Variants in PRKAG2 observed in about 807,000 individuals in gnomAD.
PRKAG2 encodes protein kinase AMP-activated non-catalytic subunit gamma 2.
A neutral mutation model predicts 69.6 loss-of-function variants in PRKAG2; 26 were observed. The ratio of observed to expected loss-of-function variants is 0.37; its 90% confidence interval spans 0.27 to 0.52. The LOEUF is 0.52. Among genes scored for constraint, PRKAG2 ranks in the 20% least tolerant of loss-of-function variants. The pLI is 0.90. For synonymous variants in PRKAG2, 293 were observed against 285.0 expected, an observed-to-expected ratio of 1.03 and a Z score of -0.28; for missense variants, 557 against 740.0, an observed-to-expected ratio of 0.75 and a Z score of 2.87.
chr7:151,632,456 G>T lies in PRKAG2; in HGVS notation c.685-318C>A, dbSNP rs1298498410. ...GGAAGGGACCCGGGAGCTCGAGGGC[G>T]GCAGCGCCTGGGCCCGGGGCGCCCC... On this transcript the variant is annotated intron_variant, in intron 4 of 15. Coordinates refer to ENST00000287878, the MANE Select transcript of PRKAG2 (RefSeq NM_016203.4). This position sits in a 1 kb window ranked among gnomAD's most constrained non-coding sequence, Gnocchi z 4.2. 8 of 658,210 alleles carry T rather than the reference G, an allele frequency of 1.2e-5. No individual in the cohort carries two copies. In the East Asian group the frequency reaches 4.1e-4, roughly 33 times the overall value. 40.8% of individuals were successfully genotyped at this position (658,210 alleles called of 1,614,324 possible). A position where few individuals can be genotyped will look rare whatever the true frequency, so the allele number is the denominator to read the frequency against.
At chr7:151,750,507 C>T (rs941062943) in intron 3 of PRKAG2, among the ~76,000 whole-genome samples, 1 of 152,102 alleles carries the variant, frequency 6.6e-6, no homozygotes, top group Admixed American at 6.5e-5. Context: ...TGCAGAAGCC[C>T]GCAGGTCATG....
intron 7 of PRKAG2, among the ~76,000 whole-genome samples, chr7:151,575,906 A>AAG (rs1808799530): frequency 2.0e-5 from 3 of 151,308 alleles, no homozygotes; most frequent in Admixed American, 2.0e-4. Context: ...CAAAAAAAAA[A>AAG]AAAAAAAGAA....
At chr7:151,651,982 G>A (rs1265249987) in intron 4 of PRKAG2, among the ~76,000 whole-genome samples, 1 of 152,140 alleles carries the variant, frequency 6.6e-6, no homozygotes, top group Non-Finnish European at 1.5e-5. Flanking sequence ...CTGATGTATC[G>A]CACAGCACTG....
At position 151,773,172 on chromosome 7, in the gene PRKAG2, A is replaced by AG. The variant is rs1291146818; in HGVS notation, c.466+7979dup. On this transcript the variant is annotated intron_variant, in intron 3 of 15. Coordinates refer to ENST00000287878, the MANE Select transcript of PRKAG2 (RefSeq NM_016203.4). ...AGGAAGGAAGGAAGGGAAGCAAGGA[A>AG]GGAAGGAAGGAAGGAAAGAAAGAAG... Among the ~76,000 whole-genome samples the AG allele has an allele frequency of 8.1e-5, 12 of 148,612 alleles. No homozygotes were observed. In the East Asian group the frequency reaches 2.2e-3, roughly 27 times the overall value.
At chr7:151,605,664 G>A (rs900322014) in intron 5 of PRKAG2, among the ~76,000 whole-genome samples, 5 of 152,182 alleles carry the variant, frequency 3.3e-5, no homozygotes, top group African/African-American at 1.2e-4. Context: ...TTCAGGCCAG[G>A]TGCAGTGGCT....
At chr7:151,840,983 G>A (rs149799266) in intron 1 of PRKAG2, among the ~76,000 whole-genome samples, 1 of 152,262 alleles carries the variant, frequency 6.6e-6, no homozygotes, top group Non-Finnish European at 1.5e-5. Context: ...CTGATTGATT[G>A]GTTAATTGAT....
chr7:151,846,155 T>C (rs957381158), intron 1 of PRKAG2, among the ~76,000 whole-genome samples: 1 of 152,244 alleles, frequency 6.6e-6, no homozygotes, highest in Non-Finnish European at 1.5e-5. Context: ...TTTCCATTTC[T>C]TCTAGTCTTA....
rs936067715 is a variant in PRKAG2 at position 151,777,432 on chromosome 7, G to A, written c.466+3720C>T. On this transcript the variant is annotated intron_variant, in intron 3 of 15. Transcript: ENST00000287878. This position sits in a 1 kb window ranked among gnomAD's most constrained non-coding sequence, Gnocchi z 4.3. ...CCCGTGGGAGGTGTTTGGGTCCTGGGGGCAGATGCCTCATGAATGGCTGGG... is the reference window on the plus strand; with the variant it reads ...CCCGTGGGAGGTGTTTGGGTCCTGGAGGCAGATGCCTCATGAATGGCTGGG... Among the ~76,000 whole-genome samples, 7 of 152,144 alleles carry A rather than the reference G, an allele frequency of 4.6e-5. No individual in the cohort carries two copies. The highest frequency in any genetic ancestry group is 7.2e-5 in the African/African-American group (3 of 41,422).
intron 4 of PRKAG2, among the ~76,000 whole-genome samples, chr7:151,662,745 GA>G (rs200212147): frequency 1.3e-5 from 2 of 151,648 alleles, no homozygotes; most frequent in East Asian, 3.9e-4. Context: ...TTCAACAACA[GA>G]AAAAAAATTA....
intron 1 of PRKAG2, among the ~76,000 whole-genome samples, chr7:151,793,620 T>C (rs1198641570): frequency 6.6e-6 from 1 of 152,160 alleles, no homozygotes; most frequent in Non-Finnish European, 1.5e-5. Flanking sequence ...GGCTCATAGG[T>C]TCTGACCACG....
In PRKAG2 at chr7:151,876,556, C is replaced by T; in HGVS notation, c.65G>A (p.Gly22Asp). 1.2e-6 allele frequency: 2 copies of T among 1,609,884 alleles called. No homozygotes were observed. The highest frequency in any genetic ancestry group is 8.5e-7 in the Non-Finnish European group (1 of 1,179,976). ...KDVSSPGGSG[G>D]KKNASQKRRS... is the part of the protein sequence containing the mutation. Reference sequence around the variant, plus strand: ...CCTCTTCTGGCTGGCATTTTTCTTGCCGCCGCTCCCGCCGGGGCTGGAAAC... The same window carrying T: ...CCTCTTCTGGCTGGCATTTTTCTTGTCGCCGCTCCCGCCGGGGCTGGAAAC... The change falls in exon 1 of 16, where the codon GGC becomes GAC. Residue 22 changes from glycine (G) to aspartate (D), a missense_variant. By Grantham distance (94) the Gly-to-Asp change is moderately conservative. Transcript: ENST00000287878.
intron 1 of PRKAG2, among the ~76,000 whole-genome samples, chr7:151,822,965 G>A (rs892609110): frequency 2.0e-5 from 3 of 152,146 alleles, no homozygotes; most frequent in Admixed American, 6.5e-5. Flanking sequence ...CGCCAAGCCC[G>A]GCTCTATCAC....
chr7:151,721,382 A>AGGGCCAGGGCCG (rs146449817), intron 3 of PRKAG2, among the ~76,000 whole-genome samples: 30,540 of 151,146 alleles, frequency 0.2, 3,417 homozygotes, highest in East Asian at 0.43. Context: ...AGACAGGGCC[A>AGGGCCAGGGCCG]GGGCCAGGGC....
chr7:151,769,507 A>G (rs1010650744), intron 3 of PRKAG2, among the ~76,000 whole-genome samples: 1 of 152,218 alleles, frequency 6.6e-6, no homozygotes, highest in East Asian at 1.9e-4. Context: ...CGAGCCAAGG[A>G]ACCCCAGGGT....
chr7:151,605,431 A>AT (rs1374189214), intron 5 of PRKAG2, among the ~76,000 whole-genome samples: 1 of 151,830 alleles, frequency 6.6e-6, no homozygotes, highest in Admixed American at 6.6e-5. Context: ...TCTTTAAAAA[A>AT]TTTTTTTAAA....
intron 4 of PRKAG2, among the ~76,000 whole-genome samples, chr7:151,669,644 C>T (rs1479206908): frequency 6.7e-6 from 1 of 148,774 alleles, no homozygotes; most frequent in Non-Finnish European, 1.5e-5. Context: ...AATTGAAGTT[C>T]CAGCTCCAGA....
At chr7:151,786,815 G>A (rs1049840620) in intron 1 of PRKAG2, among the ~76,000 whole-genome samples, 1 of 152,204 alleles carries the variant, frequency 6.6e-6, no homozygotes, top group African/African-American at 2.4e-5. Flanking sequence ...TGGGACTAAA[G>A]GAGTCAGGAA....
chr7:151,660,672 A>G (rs1291798447), intron 4 of PRKAG2, among the ~76,000 whole-genome samples: 1 of 152,244 alleles, frequency 6.6e-6, no homozygotes, highest in Admixed American at 6.5e-5. Flanking sequence ...GGACCTGATT[A>G]TACTATTAAG....
rs566722955 is a variant in PRKAG2, at chr7:151,836,585, C to T, written c.114+39922G>A. ...CCCCTTCCCAGTGTGAATTCCCCTC[C>T]GATGGGGTGTGGAGGCTGGGGTAGT... is the stretch of plus-strand genomic sequence containing the variant. On this transcript the variant is annotated intron_variant, in intron 1 of 15. Coordinates refer to ENST00000287878, the MANE Select transcript of PRKAG2 (RefSeq NM_016203.4). This position sits in a 1 kb window ranked among gnomAD's most constrained non-coding sequence, Gnocchi z 4.1. 4.2e-4 allele frequency among the ~76,000 whole-genome samples: 64 copies of T among 152,350 alleles called. 1 individual carries two copies. Among genetic ancestry groups the T allele is most frequent in the African/African-American group, 1.4e-3 (59 of 41,574 alleles).
Sources: gnomAD v4.1 joint callset for allele counts (sites outside exome capture counted in the v4.1 genomes callset) on GRCh38, gnomAD v4.1.1 for gene constraint, Gnocchi (gnomAD v3.1) non-coding constraint, MANE v1.5 for transcripts, NCBI Gene and HGNC (gene_info 2026-07-23, HGNC 2026-07-21) for gene names.